The following THBS1 variants were observed in gnomAD, a reference collection of about 807,000 sequenced individuals.
The protein encoded by THBS1 is thrombospondin 1.
A neutral mutation model predicts 126.1 loss-of-function variants in THBS1; 29 were observed. The observed-to-expected ratio is 0.23, with a 90% CI of 0.17 to 0.31. The LOEUF is 0.31. THBS1 is among the 10% of genes least tolerant of loss of function. The pLI is 1.00. For synonymous variants in THBS1, 496 were observed against 577.8 expected (o/e 0.86, Z 2.03); for missense variants, 1,198 against 1,545.2 (o/e 0.78, Z 3.77).
At chr15:39,590,956 A>C in intron 14 of THBS1, 1 of 566,974 alleles carries the variant, frequency 1.8e-6, no homozygotes. Flanking sequence ...ATGAACTGAG[A>C]TGATGGGATT....
rs1489016184 is a variant in THBS1 at position 39,587,537 on chromosome 15, C to T, written c.1294+17C>T. 2 of 1,601,682 alleles carry T rather than the reference C, an allele frequency of 1.2e-6. No individual in the cohort carries two copies. The highest frequency in any genetic ancestry group is 1.1e-5 in the South Asian group (1 of 89,460). ...ACAAGAGATGTAAGCATCTTAGCCT[C>T]TCAGGGACGTGGAGAACTGACCTGT... On this transcript the variant is annotated intron_variant, in intron 8 of 21. Transcript: ENST00000260356.
Position 39,594,141 on chromosome 15 carries a change from G to C in THBS1, c.3310G>C (p.Asp1104His), listed in dbSNP as rs1193364884. ...WHDPRHIGWK[D>H]FTAYRWRLSH... ...TGACCCTCGTCACATAGGCTGGAAA[G>C]ATTTCACCGCCTACAGATGGCGTCT... The change falls in exon 20 of 22, where the codon GAT (aspartate) becomes CAT (histidine). Residue 1104 changes from aspartate to histidine, a missense_variant. Physicochemically the swap from Asp to His is moderately conservative, Grantham distance 81. Coordinates refer to ENST00000260356, the MANE Select transcript of THBS1 (RefSeq NM_003246.4). This position sits in a 1 kb window ranked among gnomAD's most constrained non-coding sequence, Gnocchi z 4.4. 1.2e-6 allele frequency: 2 copies of C among 1,614,186 alleles called. No homozygotes were observed. The highest frequency in any genetic ancestry group is 1.1e-5 in the South Asian group (1 of 91,070).
chr15:39,581,876 C>A lies in THBS1; in HGVS notation c.19C>A (p.Leu7Ile). 6.2e-7 allele frequency: 1 copy of A among 1,614,090 alleles called. No individual in the cohort carries two copies. The highest frequency in any genetic ancestry group is 1.1e-5 in the South Asian group (1 of 91,086). The change falls in exon 2 of 22, where the codon CTA becomes ATA. Residue 7 changes from leucine to isoleucine, a missense_variant. Coordinates refer to ENST00000260356, the MANE Select transcript of THBS1 (RefSeq NM_003246.4). ...CTCCACCATGGGGCTGGCCTGGGGA[C>A]TAGGCGTCCTGTTCCTGATGCATGT... MGLAWGLGVLFLMHVCG... is the reference protein window; with the variant it reads MGLAWGIGVLFLMHVCG...
Position 39,590,688 on chromosome 15 carries a change from A to G in THBS1, c.2253+65A>G. 3.0e-6 allele frequency: 4 copies of G among 1,318,676 alleles called. No homozygotes were observed. In the South Asian group the frequency reaches 5.0e-5, roughly 16 times the overall value. 81.7% of individuals were successfully genotyped at this position (1,318,676 alleles called of 1,614,324 possible). A position where few individuals can be genotyped will look rare whatever the true frequency, so the allele number is the denominator to read the frequency against. Reference sequence around the variant, plus strand: ...CAGCAACAGCCTGAAACACTTTGGGATTCAAGGAAATTACATGGCTATAGC... The same window carrying G: ...CAGCAACAGCCTGAAACACTTTGGGGTTCAAGGAAATTACATGGCTATAGC... On this transcript the variant is annotated intron_variant, in intron 14 of 21. Coordinates refer to ENST00000260356, the MANE Select transcript of THBS1 (RefSeq NM_003246.4).
chr15:39,594,573 C>A lies in THBS1; in HGVS notation c.3505+133C>A. The A allele has an allele frequency of 8.1e-7, 1 of 1,227,134 alleles. No homozygotes were observed. The allele number at this position is 1,227,134 out of a possible 1,614,324, so 76.0% of individuals were successfully genotyped here. On this transcript the variant is annotated intron_variant, in intron 21 of 21. Transcript: ENST00000260356. This position sits in a 1 kb window ranked among gnomAD's most constrained non-coding sequence, Gnocchi z 4.4. ...GTTATTTCTATTTTGCTTTTGAGGA[C>A]ACAAGGACAAAAATGGAATAATGCC...
At position 39,582,665 on chromosome 15, in the gene THBS1, C is replaced by T. The variant is rs1354690708; in HGVS notation, c.540C>T (p.Asp180=). The T allele has an allele frequency of 1.9e-6, 3 of 1,613,690 alleles. No individual in the cohort carries two copies. The highest frequency in any genetic ancestry group is 2.2e-5 in the South Asian group (2 of 91,088). ...DCEKMENAEL[D]VPIQSVFTRD... ...AAAAGATGGAGAATGCTGAGTTGGA[C>T]GTCCCCATCCAAAGCGTCTTCACCA... is the stretch of plus-strand genomic sequence containing the variant. Residue 180 remains aspartate, a synonymous_variant, in exon 3 of 22, where the codon GAC becomes GAT. Transcript: ENST00000260356.
intron 13 of THBS1, 130 bp from the exon 14 acceptor site, chr15:39,590,386 A>T (rs1890303575): frequency 3.1e-6 from 2 of 649,706 alleles, no homozygotes; most frequent in Admixed American, 3.5e-5. Context: ...GTCTTCCCAT[A>T]AAAAAAATAT....
intron 7 of THBS1, chr15:39,587,108 G>A (rs1904209): frequency 0.18 from 62,170 of 342,594 alleles, 8,103 homozygotes; most frequent in African/African-American, 0.42. Flanking sequence ...GTAACTGTAA[G>A]ATGATGGAGA....
At chr15:39,588,378 T>G in intron 9 of THBS1, 148 bp from the exon 10 acceptor site, 1 of 1,307,590 alleles carries the variant, frequency 7.6e-7, no homozygotes, top group Non-Finnish European at 1.0e-6. Context: ...CAACTTCTTT[T>G]AATGAAAAAC....
intron 7 of THBS1, 108 bp downstream of exon 7, chr15:39,585,671 T>C (rs374583503): frequency 1.9e-6 from 2 of 1,033,756 alleles, no homozygotes; most frequent in African/African-American, 3.1e-5. Context: ...TCCATCATGC[T>C]TCCATTCAGT....
In THBS1 at chr15:39,588,573, A is replaced by G; in HGVS notation, c.1519A>G (p.Thr507Ala). The G allele has an allele frequency of 6.2e-7, 1 of 1,600,082 alleles. No individual in the cohort carries two copies. ...PWSPWDICSV[T>A]CGGGVQKRSR... ...GTCACCATGGGACATCTGTTCTGTC[A>G]CCTGTGGAGGAGGGGTACAGAAACG... is the stretch of plus-strand genomic sequence containing the variant. Residue 507 changes from threonine (T) to alanine (A), a missense_variant, in exon 10 of 22, where the codon ACC (threonine) becomes GCC (alanine). Physicochemically the swap from Thr to Ala is moderately conservative, Grantham distance 58. Transcript: ENST00000260356.
In THBS1 at chr15:39,599,048, C is replaced by T. The variant is rs1446635225; in HGVS notation, c.*3679C>T. The stretch of plus-strand genomic sequence containing the variant: ...GCAATTCTCCCTCCTGCCTCAGCCT[C>T]CCAAGTAGCTGGGACTACAAGCGCC... On this transcript the variant is annotated 3_prime_UTR_variant, in exon 22 of 22. Transcript: ENST00000260356. 2 of 152,244 alleles carry T rather than the reference C, an allele frequency of 1.3e-5. No individual in the cohort carries two copies. The highest frequency in any genetic ancestry group is 1.3e-4 in the Admixed American group (2 of 15,278). The allele number at this position is 152,244 out of a possible 1,614,324, so 9.4% of individuals were successfully genotyped here.
intron 7 of THBS1, among the ~76,000 whole-genome samples, 174 bp downstream of exon 7, chr15:39,585,737 T>C (rs1472666444): frequency 6.6e-6 from 1 of 152,176 alleles, no homozygotes; most frequent in Non-Finnish European, 1.5e-5. Context: ...GAGCCAAAAC[T>C]CCATTATGAG....
In THBS1 at chr15:39,585,471, A is replaced by G; in HGVS notation, c.1028A>G (p.Asn343Ser). The change falls in exon 7 of 22, where the codon AAC (asparagine) becomes AGC (serine). Residue 343 changes from asparagine to serine, a missense_variant and splice_region_variant. Physicochemically the swap from Asn to Ser is conservative, Grantham distance 46 (BLOSUM62 1). Transcript: ENST00000260356. ...CCCTCTCACTCTCTTGCCCTGCAGAACTCAGTTACCATCTGCAAAAAGGTG... is the reference window on the plus strand; with the variant it reads ...CCCTCTCACTCTCTTGCCCTGCAGAGCTCAGTTACCATCTGCAAAAAGGTG... The part of the protein sequence containing the change: ...VDSCTECHCQ[N>S]SVTICKKVSC... 8.1e-6 allele frequency: 13 copies of G among 1,613,962 alleles called. No homozygotes were observed. The highest frequency in any genetic ancestry group is 1.1e-5 in the Non-Finnish European group (13 of 1,179,874).
rs1432148025 is a variant in THBS1 at position 39,585,292 on chromosome 15, CTG to C, written c.1027-176_1027-175del. On this transcript the variant is annotated intron_variant, in intron 6 of 21. Transcript: ENST00000260356. Reference sequence around the variant, plus strand: ...AGTGACACGTAAACTAGCACTAGAACTGTCTCTACGATAGTGGTGGCTGCAAA... The same window carrying C: ...AGTGACACGTAAACTAGCACTAGAACTCTCTACGATAGTGGTGGCTGCAAA... Among the ~76,000 whole-genome samples, 9 of 152,190 alleles carry C rather than the reference CTG, an allele frequency of 5.9e-5. 1 individual carries two copies. The highest frequency in any genetic ancestry group is 1.3e-4 in the Non-Finnish European group (9 of 68,040).
chr15:39,585,556 C>T lies in THBS1; in HGVS notation c.1113C>T (p.Arg371=), dbSNP rs773437295. Residue 371 remains arginine, a synonymous_variant, in exon 7 of 22, where the codon CGC becomes CGT. Transcript: ENST00000260356. ...TTCCTGATGGAGAATGCTGTCCTCG[C>T]TGTTGGCGTAAGTTTCTCAAATGGC... ...ATVPDGECCP[R]CWPSDSADDG... 1.6e-5 allele frequency: 26 copies of T among 1,613,862 alleles called. No individual in the cohort carries two copies. Among genetic ancestry groups the T allele is most frequent in the Non-Finnish European group, 2.1e-5 (25 of 1,180,002 alleles).
intron 16 of THBS1, among the ~76,000 whole-genome samples, chr15:39,591,997 A>G (rs919644665): frequency 6.6e-6 from 1 of 152,278 alleles, no homozygotes; most frequent in Admixed American, 6.5e-5. Flanking sequence ...GTGCATAAGC[A>G]AAATAACCAT....
chr15:39,589,889 G>T lies in THBS1; in HGVS notation c.2011G>T (p.Asp671Tyr). Residue 671 changes from aspartate (D) to tyrosine (Y), a missense_variant, in exon 13 of 22, where the codon GAC becomes TAC. Physicochemically the swap from Asp to Tyr is radical, Grantham distance 160. This residue lies in a region of THBS1 where 663 missense variants were observed against 860.1 expected (regional missense o/e 0.77). Transcript: ENST00000260356. The surrounding 1 kb of genome is among the most constrained non-coding windows in gnomAD (Gnocchi z 4.7). Reference sequence around the variant, plus strand: ...GTGCAACTACCTGGGCCACTATAGCGACCCCATGTACCGCTGCGAGTGCAA... The same window carrying T: ...GTGCAACTACCTGGGCCACTATAGCTACCCCATGTACCGCTGCGAGTGCAA... ...AKCNYLGHYS[D>Y]PMYRCECKPG... is the part of the protein sequence containing the mutation. 6.2e-6 allele frequency: 10 copies of T among 1,614,148 alleles called. No individual in the cohort carries two copies. Among genetic ancestry groups the T allele is most frequent in the Non-Finnish European group, 8.5e-6 (10 of 1,180,014 alleles).
In THBS1 at chr15:39,596,295, A is replaced by T. The variant is rs976072118; in HGVS notation, c.*926A>T. 1 of 153,978 alleles carries T rather than the reference A, an allele frequency of 6.5e-6. No individual in the cohort carries two copies. Among genetic ancestry groups the T allele is most frequent in the Non-Finnish European group, 1.4e-5 (1 of 69,242 alleles). 9.5% of individuals were successfully genotyped at this position (153,978 alleles called of 1,614,324 possible). On this transcript the variant is annotated 3_prime_UTR_variant, in exon 22 of 22. Transcript: ENST00000260356. The stretch of plus-strand genomic sequence containing the variant: ...AAATTATTATCAACCTAACTAAAAC[A>T]TTCCTTTTCTCTTTTTTCCTGAATT...
Sources: allele counts gnomAD v4.1 joint callset (sites outside exome capture counted in the v4.1 genomes callset), GRCh38; gene constraint gnomAD v4.1.1; regional missense constraint gnomAD v4.1.1; non-coding constraint Gnocchi (gnomAD v3.1); transcripts MANE v1.5; gene names NCBI Gene and HGNC (gene_info 2026-07-23, HGNC 2026-07-21).